The following RYR2 variants were observed in gnomAD, a reference collection of about 807,000 sequenced individuals.
RYR2 encodes the protein cardiac muscle ryanodine receptor-calcium release channel.
In RYR2, 227 loss-of-function variants were observed where a neutral mutation model predicts 601.1. That is an observed-to-expected ratio of 0.38 (90% CI 0.34 to 0.42). The LOEUF (loss-of-function observed/expected upper bound fraction) is 0.42. Ranked by LOEUF, RYR2 falls within the 10% of genes least tolerant of loss-of-function variation. The probability of loss-of-function intolerance (pLI) is 1.00; values close to 1 mark genes in which losing one functional copy is unlikely to be tolerated. For missense variants in RYR2, 4,646 were observed against 6,156.5 expected (o/e 0.75, Z 8.21); for synonymous variants, 2,223 against 2,175.1 (o/e 1.02, Z -0.61).
chr1:237,331,107 T>A, intron 3 of RYR2, 125 bp downstream of exon 3: 3 of 791,762 alleles, frequency 3.8e-6, no homozygotes, highest in Non-Finnish European at 6.5e-6. Flanking sequence ...TCAGTTGGAA[T>A]GTCCTTAGGT....
At chr1:237,209,733 A>G (rs190357055) in intron 1 of RYR2, among the ~76,000 whole-genome samples, 9 of 152,134 alleles carry the variant, frequency 5.9e-5, no homozygotes, top group Non-Finnish European at 8.8e-5. Context: ...ATGCATGCCT[A>G]TAGTTTCAGC....
At chr1:237,412,673 T>C (rs143782086) in intron 10 of RYR2, among the ~76,000 whole-genome samples, 24 of 152,198 alleles carry the variant, frequency 1.6e-4, no homozygotes, top group African/African-American at 4.1e-4. Flanking sequence ...AGCTCTTTTG[T>C]ATTTTCATAT....
intron 1 of RYR2, among the ~76,000 whole-genome samples, chr1:237,251,611 C>G (rs185568484): frequency 6.6e-5 from 10 of 152,260 alleles, no homozygotes; most frequent in African/African-American, 2.4e-4. Context: ...ATCGTCCTGT[C>G]TTTAGTTACC....
rs1435162312 is a variant in RYR2, at chr1:237,622,959, G to A, written c.5917-806G>A. On this transcript the variant is annotated intron_variant, in intron 38 of 104. Transcript: ENST00000366574. ...CCGGCCCCAAGCATTTCAGATAAGG[G>A]ATACTCAAACCTGTGTTACTTTTCA... 3.9e-5 allele frequency among the ~76,000 whole-genome samples: 6 copies of A among 152,112 alleles called. No individual in the cohort carries two copies. The East Asian group carries it at 1.2e-3, about 29-fold the overall frequency.
intron 27 of RYR2, among the ~76,000 whole-genome samples, chr1:237,556,464 C>T (rs1419519283): frequency 1.8e-5 from 1 of 54,846 alleles, no homozygotes; most frequent in Non-Finnish European, 4.5e-5. Flanking sequence ...CGAGGCCCGG[C>T]TAATTTTTTT....
chr1:237,244,115 A>G (rs1388698077), intron 1 of RYR2, among the ~76,000 whole-genome samples: 1 of 152,168 alleles, frequency 6.6e-6, no homozygotes, highest in Non-Finnish European at 1.5e-5. Flanking sequence ...CTCCCTCTGA[A>G]GAGGAATATC....
At chr1:237,538,546 C>A (rs1002485356) in intron 25 of RYR2, among the ~76,000 whole-genome samples, 1 of 150,594 alleles carries the variant, frequency 6.6e-6, no homozygotes, top group Non-Finnish European at 1.5e-5. Flanking sequence ...CCAACGCAGG[C>A]GGATCACTTG....
At chr1:237,204,514 A>AAT (rs66515662) in intron 1 of RYR2, among the ~76,000 whole-genome samples, 2,359 of 151,746 alleles carry the variant, frequency 0.016, 69 homozygotes, top group African/African-American at 0.053. Context: ...AAAAAAAAAA[A>AAT]AAAAGAAAGA....
intron 29 of RYR2, among the ~76,000 whole-genome samples, chr1:237,579,025 A>T (rs967108823): frequency 1.3e-5 from 2 of 152,258 alleles, no homozygotes; most frequent in South Asian, 2.1e-4. Context: ...TAGAGGGAAA[A>T]AAAAAGAAAC....
chr1:237,107,330 G>T (rs1301615161), intron 1 of RYR2, among the ~76,000 whole-genome samples: 2 of 151,070 alleles, frequency 1.3e-5, no homozygotes, highest in African/African-American at 2.4e-5. Context: ...GACCATCCTG[G>T]CTAACACGGT....
chr1:237,438,643 A>G lies in RYR2; in HGVS notation c.1006-2676A>G, dbSNP rs75394828. On this transcript the variant is annotated intron_variant, in intron 12 of 104. Coordinates refer to ENST00000366574, the MANE Select transcript of RYR2 (RefSeq NM_001035.3). ...AGATTTTGTAGATAACTTTGTGTCC[A>G]GGATTTAGCCCATCTAATTATTTTG... Among the ~76,000 whole-genome samples the G allele has an allele frequency of 3.8e-4, 58 of 152,358 alleles. No homozygotes were observed. The East Asian group carries it at 0.011, about 28-fold the overall frequency.
rs558814390 is a variant in RYR2 at position 237,546,976 on chromosome 1, C to CATATATATATATATATATATATATAT, written c.2907-1435_2907-1434insATATATATATATATATATATATATAT. Among the ~76,000 whole-genome samples the CATATATATATATATATATATATATAT allele has an allele frequency of 7.8e-4, 76 of 97,436 alleles. 4 individuals carry two copies. Among genetic ancestry groups the CATATATATATATATATATATATATAT allele is most frequent in the East Asian group, 3.1e-3 (8 of 2,560 alleles). The allele number at this position is 97,436 out of a possible 152,430, so 63.9% of individuals were successfully genotyped here. A position where few individuals can be genotyped will look rare whatever the true frequency, so the allele number is the denominator to read the frequency against. On this transcript the variant is annotated intron_variant, in intron 25 of 104. Transcript: ENST00000366574. ...AGAATTTGTAGTTTATTTTCAAAAG[C>CATATATATATATATATATATATATAT]ATATATATATATATATATATTTATT...
intron 80 of RYR2, among the ~76,000 whole-genome samples, chr1:237,751,456 A>T (rs1287888600): frequency 6.6e-6 from 1 of 152,136 alleles, no homozygotes; most frequent in African/African-American, 2.4e-5. Flanking sequence ...TATAGTGTAA[A>T]TTGTGTCAAC....
intron 27 of RYR2, among the ~76,000 whole-genome samples, chr1:237,565,582 C>T (rs150997535): frequency 2.6e-3 from 398 of 152,234 alleles, no homozygotes; most frequent in Non-Finnish European, 4.4e-3. Context: ...TAACTCTGTG[C>T]GAGCTATTGG....
intron 6 of RYR2, among the ~76,000 whole-genome samples, chr1:237,372,224 A>G (rs962995659): frequency 1.4e-4 from 21 of 152,232 alleles, no homozygotes; most frequent in African/African-American, 5.1e-4. Context: ...ATGATTTAAT[A>G]ATATCATTTC....
chr1:237,640,441 A>G (rs146096174), intron 46 of RYR2, among the ~76,000 whole-genome samples: 26 of 152,316 alleles, frequency 1.7e-4, no homozygotes, highest in African/African-American at 6.0e-4. Flanking sequence ...AAGTGCAATA[A>G]CATTTATAAA....
chr1:237,756,695 G>A (rs1388870602), intron 81 of RYR2, among the ~76,000 whole-genome samples: 2 of 152,062 alleles, frequency 1.3e-5, no homozygotes, highest in Admixed American at 1.3e-4. Context: ...TTTCTTTAAG[G>A]CTGGAGAGTC....
At chr1:237,519,063 A>G (rs1051704229) in intron 24 of RYR2, among the ~76,000 whole-genome samples, 8 of 152,140 alleles carry the variant, frequency 5.3e-5, no homozygotes, top group African/African-American at 1.9e-4. Context: ...AGCCATTTGT[A>G]TGTCTTATTT....
intron 1 of RYR2, among the ~76,000 whole-genome samples, chr1:237,108,955 T>C (rs1669100047): frequency 6.6e-6 from 1 of 152,204 alleles, no homozygotes; most frequent in Non-Finnish European, 1.5e-5. Flanking sequence ...GTGAGCACAC[T>C]TCAATATCAC....
Sources: allele counts gnomAD v4.1 joint callset (sites outside exome capture counted in the v4.1 genomes callset), GRCh38; gene constraint gnomAD v4.1.1; transcripts MANE v1.5; gene names NCBI Gene and HGNC (gene_info 2026-07-23, HGNC 2026-07-21).